The following EYS variants were observed in gnomAD, a reference collection of about 807,000 sequenced individuals.
The protein encoded by EYS is EGF-like photoreceptor maintenance factor.
In EYS, 250 loss-of-function variants were observed where a neutral mutation model predicts 282.1. The ratio of observed to expected loss-of-function variants is 0.89; its 90% CI spans 0.80 to 0.98. EYS has a LOEUF of 0.98. Among genes scored for constraint, EYS ranks in the 50% least tolerant of loss-of-function variants. The probability of loss-of-function intolerance (pLI) is 0.00; values close to 1 mark genes in which losing one functional copy is unlikely to be tolerated. For missense variants in EYS, 4,016 were observed against 3,709.0 expected, an observed-to-expected ratio of 1.08 and a Z score of -2.15; for synonymous variants, 1,355 against 1,282.9, an observed-to-expected ratio of 1.06 and a Z score of -1.20.
chr6:65,581,461 G>T (rs114195663), intron 2 of EYS, among the ~76,000 whole-genome samples: 6,330 of 152,018 alleles, frequency 0.042, 391 homozygotes, highest in African/African-American at 0.13. Context: ...TTCTTAGTAG[G>T]CCTCAGGAAT....
intron 12 of EYS, among the ~76,000 whole-genome samples, chr6:65,204,620 A>G (rs1300092432): frequency 1.3e-5 from 2 of 151,922 alleles, no homozygotes; most frequent in East Asian, 3.9e-4. Context: ...ACACAAAGCA[A>G]TTACACAATT....
At chr6:64,861,523 C>T (rs1413428115) in intron 19 of EYS, among the ~76,000 whole-genome samples, 1 of 152,166 alleles carries the variant, frequency 6.6e-6, no homozygotes, top group African/African-American at 2.4e-5. Flanking sequence ...TCCCAGCCCC[C>T]AAGAGCTCAG....
chr6:63,742,021 G>A (rs1394353444), intron 41 of EYS: 4 of 700,318 alleles, frequency 5.7e-6, no homozygotes, highest in African/African-American at 5.2e-5. Flanking sequence ...GCTATTTGTG[G>A]CTCTTTATCA....
chr6:64,295,724 G>A (rs1377801824), intron 30 of EYS, among the ~76,000 whole-genome samples: 5 of 78,690 alleles, frequency 6.4e-5, no homozygotes, highest in African/African-American at 9.8e-5. Flanking sequence ...GCCAGACTCC[G>A]TCTCCAAAAA....
intron 29 of EYS, among the ~76,000 whole-genome samples, chr6:64,346,392 G>A (rs980701892): frequency 6.6e-6 from 1 of 152,028 alleles, no homozygotes; most frequent in Admixed American, 6.6e-5. Flanking sequence ...ATGAGTTCAT[G>A]TCCTTTGTAG....
At chr6:64,767,638 G>A (rs1464697209) in intron 22 of EYS, among the ~76,000 whole-genome samples, 2 of 152,042 alleles carry the variant, frequency 1.3e-5, no homozygotes, top group Non-Finnish European at 2.9e-5. Context: ...TGGCTAAATA[G>A]TATTTAATTG....
chr6:64,436,620 G>T (rs1774759009), intron 27 of EYS, among the ~76,000 whole-genome samples: 1 of 151,748 alleles, frequency 6.6e-6, no homozygotes, highest in African/African-American at 2.4e-5. Context: ...ATTGAGCAAG[G>T]CAAAGAATGG....
chr6:65,056,749 A>C (rs1178163397), intron 13 of EYS, among the ~76,000 whole-genome samples: 3 of 152,146 alleles, frequency 2.0e-5, no homozygotes, highest in Non-Finnish European at 2.9e-5. Context: ...ATTTGTTAGA[A>C]CATTGTTGGA....
chr6:65,653,466 G>A (rs575985945), intron 1 of EYS, among the ~76,000 whole-genome samples: 1 of 152,038 alleles, frequency 6.6e-6, no homozygotes, highest in South Asian at 2.1e-4. Flanking sequence ...GCCCCATTAG[G>A]ATACTGGTGC....
At position 64,605,300 on chromosome 6, in the gene EYS, G is replaced by A. The variant is rs376765589; in HGVS notation, c.3685-11991C>T. 9.2e-5 allele frequency among the ~76,000 whole-genome samples: 14 copies of A among 151,930 alleles called. No homozygotes were observed. In the East Asian group the frequency reaches 9.7e-4, roughly 10 times the overall value. On this transcript the variant is annotated intron_variant, in intron 24 of 42. Transcript: ENST00000503581. ...CACTAACTACATTTGTAGATATTGA[G>A]TTTTAAAAGCAAAAAAAGTTTGAAT...
chr6:64,011,702 T>C (rs1768641138), intron 33 of EYS, among the ~76,000 whole-genome samples: 1 of 151,806 alleles, frequency 6.6e-6, no homozygotes, highest in Admixed American at 6.6e-5. Context: ...CATCAAACCA[T>C]AATGAAATTA....
At chr6:64,131,141 AC>A (rs1773964633) in intron 31 of EYS, among the ~76,000 whole-genome samples, 1 of 152,166 alleles carries the variant, frequency 6.6e-6, no homozygotes, top group Admixed American at 6.5e-5. Context: ...TGCTGGGATT[AC>A]AGGCATGAGC....
intron 12 of EYS, among the ~76,000 whole-genome samples, chr6:65,232,772 G>A (rs1314157234): frequency 6.6e-6 from 1 of 152,082 alleles, no homozygotes; most frequent in African/African-American, 2.4e-5. Context: ...CTGGAAGTTA[G>A]AACTTCAACA....
At chr6:64,676,245 C>T (rs1292073404) in intron 22 of EYS, among the ~76,000 whole-genome samples, 2 of 147,902 alleles carry the variant, frequency 1.4e-5, no homozygotes, top group East Asian at 4.0e-4. Context: ...GTAGAGAAAG[C>T]TGTAATTAAT....
At chr6:64,747,744 G>A (rs973444352) in intron 22 of EYS, among the ~76,000 whole-genome samples, 1 of 152,144 alleles carries the variant, frequency 6.6e-6, no homozygotes, top group African/African-American at 2.4e-5. Context: ...GTACCTAGGG[G>A]AAAGACATAG....
At chr6:65,456,718 G>T (rs192506413) in intron 5 of EYS, among the ~76,000 whole-genome samples, 1 of 142,500 alleles carries the variant, frequency 7.0e-6, no homozygotes, top group African/African-American at 2.4e-5. Context: ...ATCCCTTCAT[G>T]ATAAAAAAAA....
At chr6:65,394,378 G>T (rs1354771416) in intron 7 of EYS, among the ~76,000 whole-genome samples, 2 of 152,074 alleles carry the variant, frequency 1.3e-5, no homozygotes, top group Non-Finnish European at 2.9e-5. Context: ...CTACATGTCA[G>T]GTCACAATGA....
chr6:63,809,678 A>G (rs1200049946), intron 36 of EYS, among the ~76,000 whole-genome samples: 2 of 152,198 alleles, frequency 1.3e-5, no homozygotes, highest in Non-Finnish European at 2.9e-5. Context: ...GTATCCAGAC[A>G]TCATCTCGGG....
intron 12 of EYS, among the ~76,000 whole-genome samples, chr6:65,213,545 A>G (rs745533432): frequency 1.4e-4 from 21 of 152,092 alleles, no homozygotes; most frequent in Non-Finnish European, 2.6e-4. Context: ...CAAACTTTTC[A>G]TTATTATTTT....
Sources: gnomAD v4.1 joint callset for allele counts (sites outside exome capture counted in the v4.1 genomes callset) on GRCh38, gnomAD v4.1.1 for gene constraint, MANE v1.5 for transcripts, NCBI Gene and HGNC (gene_info 2026-07-23, HGNC 2026-07-21) for gene names.